Variants in MDGA2 observed in about 807,000 individuals in gnomAD.
MDGA2 encodes MAM domain-containing glycosylphosphatidylinositol anchor protein 2.
In MDGA2, 40 loss-of-function variants were observed where a neutral mutation model predicts 117.8. That is an observed-to-expected ratio of 0.34 (90% CI 0.26 to 0.44). The LOEUF (loss-of-function observed/expected upper bound fraction) is 0.44, where lower values mean the gene tolerates loss of function less well. Ranked by LOEUF, MDGA2 falls within the 20% of genes least tolerant of loss-of-function variation. MDGA2 has a pLI of 1.00. For missense variants in MDGA2, 1,123 were observed against 1,250.6 expected (o/e 0.90, Z 1.54); for synonymous variants, 452 against 439.0 (o/e 1.03, Z -0.37).
intron 2 of MDGA2, among the ~76,000 whole-genome samples, chr14:47,222,619 A>C (rs970514634): frequency 2.0e-5 from 3 of 152,130 alleles, no homozygotes; most frequent in Non-Finnish European, 2.9e-5. Context: ...AAATATACAG[A>C]AAGTCATCTA....
intron 3 of MDGA2, among the ~76,000 whole-genome samples, chr14:47,209,612 G>A (rs1436589982): frequency 9.2e-5 from 14 of 152,124 alleles, no homozygotes; most frequent in Non-Finnish European, 2.9e-5. Context: ...TTCTGAACAC[G>A]AATCAGTAAA....
intron 10 of MDGA2, among the ~76,000 whole-genome samples, chr14:46,916,507 T>G (rs965961347): frequency 6.6e-6 from 1 of 152,174 alleles, no homozygotes; most frequent in Admixed American, 6.5e-5. Flanking sequence ...TACATCGATT[T>G]TATTGTATCT....
At chr14:46,993,555 G>T (rs758857275) in intron 8 of MDGA2, among the ~76,000 whole-genome samples, 2 of 151,462 alleles carry the variant, frequency 1.3e-5, no homozygotes, top group African/African-American at 4.9e-5. Flanking sequence ...TATGCCTCCC[G>T]AGTTCAAGAG....
chr14:47,429,152 G>T (rs968425273), intron 1 of MDGA2, among the ~76,000 whole-genome samples: 1 of 151,808 alleles, frequency 6.6e-6, no homozygotes, highest in African/African-American at 2.4e-5. Context: ...TTGAACCTAG[G>T]GGGCAGAGGT....
At chr14:47,217,402 T>C (rs11849139) in intron 3 of MDGA2, among the ~76,000 whole-genome samples, 11,371 of 151,994 alleles carry the variant, frequency 0.075, 450 homozygotes, top group African/African-American at 0.12. Context: ...AGATTTAAAA[T>C]ATTATCATCA....
intron 1 of MDGA2, among the ~76,000 whole-genome samples, chr14:47,425,685 C>A (rs551987757): frequency 2.6e-5 from 4 of 152,132 alleles, no homozygotes; most frequent in Admixed American, 2.6e-4. Flanking sequence ...CATTTGAGTT[C>A]AATTTTGATA....
chr14:47,405,705 A>G (rs1315798995), intron 1 of MDGA2, among the ~76,000 whole-genome samples: 3 of 152,170 alleles, frequency 2.0e-5, no homozygotes, highest in African/African-American at 7.2e-5. Flanking sequence ...CCTTTGTCAC[A>G]TAATTTTGCA....
intron 14 of MDGA2, among the ~76,000 whole-genome samples, chr14:46,864,697 AT>A (rs2138334464): frequency 6.6e-6 from 1 of 151,846 alleles, no homozygotes; most frequent in African/African-American, 2.4e-5. Context: ...TCAGCATTAA[AT>A]ACCAACAGGA....
At chr14:46,943,047 T>C (rs890234809) in intron 9 of MDGA2, among the ~76,000 whole-genome samples, 2 of 152,100 alleles carry the variant, frequency 1.3e-5, no homozygotes, top group Admixed American at 6.6e-5. Flanking sequence ...TAGTATTTTT[T>C]ATTTAGGAAT....
At chr14:46,975,640 G>A (rs932592198) in intron 8 of MDGA2, among the ~76,000 whole-genome samples, 2 of 152,092 alleles carry the variant, frequency 1.3e-5, no homozygotes, top group Non-Finnish European at 2.9e-5. Flanking sequence ...ACTTAGAGAA[G>A]TTAAACTTTT....
chr14:47,125,253 C>G (rs1881841964), intron 5 of MDGA2, among the ~76,000 whole-genome samples: 1 of 152,098 alleles, frequency 6.6e-6, no homozygotes, highest in South Asian at 2.1e-4. Flanking sequence ...ATAGGTGTAG[C>G]ATATCGCAAG....
chr14:47,635,421 T>C (rs935079965), intron 1 of MDGA2, among the ~76,000 whole-genome samples: 8 of 152,146 alleles, frequency 5.3e-5, no homozygotes, highest in African/African-American at 1.4e-4. Context: ...TGACCTGACG[T>C]AGTATCTAAC....
intron 1 of MDGA2, among the ~76,000 whole-genome samples, chr14:47,663,475 T>C (rs1417585464): frequency 6.6e-6 from 1 of 152,164 alleles, no homozygotes; most frequent in Admixed American, 6.6e-5. Context: ...ATTATATGAA[T>C]AGAGAATATG....
intron 1 of MDGA2, among the ~76,000 whole-genome samples, chr14:47,398,840 G>C (rs909634626): frequency 1.3e-5 from 2 of 152,068 alleles, no homozygotes; most frequent in Admixed American, 6.6e-5. Context: ...AAGTTTGTAA[G>C]ATACAATTTA....
At chr14:47,603,376 G>A (rs1419573773) in intron 1 of MDGA2, among the ~76,000 whole-genome samples, 2 of 152,094 alleles carry the variant, frequency 1.3e-5, no homozygotes, top group Non-Finnish European at 2.9e-5. Flanking sequence ...CAAAACATCA[G>A]AGTACATCTT....
At chr14:47,014,659 T>C (rs1183334505) in intron 8 of MDGA2, among the ~76,000 whole-genome samples, 1 of 152,192 alleles carries the variant, frequency 6.6e-6, no homozygotes, top group Non-Finnish European at 1.5e-5. Context: ...CTGCAGTTTC[T>C]TCACCTCTCT....
At chr14:47,191,470 T>C (rs1330103916) in intron 3 of MDGA2, among the ~76,000 whole-genome samples, 1 of 150,446 alleles carries the variant, frequency 6.6e-6, no homozygotes, top group Non-Finnish European at 1.5e-5. Flanking sequence ...CCAATTTTTA[T>C]AGTATCCATT....
intron 7 of MDGA2, among the ~76,000 whole-genome samples, chr14:47,054,366 C>T (rs1389031029): frequency 1.3e-5 from 2 of 151,656 alleles, no homozygotes; most frequent in African/African-American, 4.8e-5. Context: ...GGTACATGTG[C>T]ACAATGTGCA....
intron 1 of MDGA2, among the ~76,000 whole-genome samples, chr14:47,346,677 G>C (rs1195593085): frequency 1.3e-5 from 2 of 152,058 alleles, no homozygotes; most frequent in African/African-American, 4.8e-5. Context: ...CTTAATTATA[G>C]TTTTCTTATG....
Sources: allele counts gnomAD v4.1 joint callset (sites outside exome capture counted in the v4.1 genomes callset), GRCh38; gene constraint gnomAD v4.1.1; transcripts MANE v1.5; gene names NCBI Gene and HGNC (gene_info 2026-07-23, HGNC 2026-07-21).